KEL: variants seen among roughly 807,000 people sequenced by gnomAD.
KEL encodes Kell metallo-endopeptidase (Kell blood group).
Under a neutral mutation model 99.5 loss-of-function variants are expected in KEL, and 96 were observed. The ratio of observed to expected loss-of-function variants is 0.97; its 90% CI spans 0.82 to 1.14. The LOEUF (loss-of-function observed/expected upper bound fraction) is 1.14, where lower values mean the gene tolerates loss of function less well. Among genes scored for constraint, KEL ranks in the 50% most tolerant of loss-of-function variants. The probability of loss-of-function intolerance (pLI) is 0.00; values close to 1 mark genes in which losing one functional copy is unlikely to be tolerated. For missense variants in KEL, 926 were observed against 924.2 expected (o/e 1.00, Z -0.03); for synonymous variants, 355 against 354.8 (o/e 1.00, Z -0.01).
In KEL at chr7:142,943,153, C is replaced by T. The variant is rs916471611; in HGVS notation, c.1772-109G>A. On this transcript the variant is annotated intron_variant, in intron 16 of 18. Transcript: ENST00000355265. ...ACTGAATCAGCTCCCAGGAGCATGG[C>T]AAAGTTCCCAGGACTGCCCCACCTC... 26 of 1,553,366 alleles carry T rather than the reference C, an allele frequency of 1.7e-5. No homozygotes were observed. In the Admixed American group the frequency reaches 4.5e-4, roughly 27 times the overall value.
rs369569464 is a variant in KEL at position 142,961,359 on chromosome 7, C to T, written c.223+1G>A. ...GTTAGGGGGTCTGGGATCTTGCTTA[C>T]GAGGGCCACAGTTCTGGAAGTTGTA... On this transcript the variant is annotated splice_donor_variant, in intron 3 of 18. Transcript: ENST00000355265. LOFTEE classifies it high-confidence loss of function. 222 of 1,612,980 alleles carry T rather than the reference C, an allele frequency of 1.4e-4. No homozygotes were observed. The highest frequency in any genetic ancestry group is 1.8e-4 in the Non-Finnish European group (209 of 1,180,038).
Position 142,941,310 on chromosome 7 carries a change from T to C in KEL, c.2141A>G (p.Tyr714Cys). ...GAGAGCACCACGTGCACAGCGGAAA[T>C]ACCTGGCAAAGGCTGGGGTGCTGCT... The part of the protein sequence containing the change: ...PLSSTPAFAR[Y>C]FRCARGALLN... Residue 714 changes from tyrosine (Y) to cysteine (C), a missense_variant, in exon 19 of 19, where the codon TAT (tyrosine) becomes TGT (cysteine). By Grantham distance (194) the Tyr-to-Cys change is radical (BLOSUM62 -2). Coordinates refer to ENST00000355265, the MANE Select transcript of KEL (RefSeq NM_000420.3). 1 of 1,613,994 alleles carries C rather than the reference T, an allele frequency of 6.2e-7. No homozygotes were observed. Among genetic ancestry groups the C allele is most frequent in the Non-Finnish European group, 8.5e-7 (1 of 1,180,008 alleles).
chr7:142,944,028 T>A, intron 13 of KEL, 145 bp from the exon 14 acceptor site: 1 of 738,608 alleles, frequency 1.4e-6, no homozygotes, highest in Non-Finnish European at 2.4e-6. Flanking sequence ...CCCAATGGCA[T>A]CACTACACAG....
rs549232567 is a variant in KEL, at chr7:142,943,203, C to T, written c.1771+73G>A. 17 of 1,575,674 alleles carry T rather than the reference C, an allele frequency of 1.1e-5. No homozygotes were observed. The Admixed American group carries it at 2.3e-4, about 21-fold the overall frequency. On this transcript the variant is annotated intron_variant, in intron 16 of 18. Coordinates refer to ENST00000355265, the MANE Select transcript of KEL (RefSeq NM_000420.3). ...CAAACCCTCAAATAACCTCCCTTTC[C>T]CCTCCAGGCCTCCCTTGTGGTCTTC...
chr7:142,961,674 G>A (rs1796963209), intron 2 of KEL, 121 bp downstream of exon 2: 3 of 1,278,332 alleles, frequency 2.3e-6, no homozygotes, highest in Non-Finnish European at 2.3e-6. Context: ...GAGAAAACAA[G>A]GAATGTCAAC....
intron 18 of KEL, chr7:142,942,150 A>AG: frequency 1.9e-6 from 1 of 516,210 alleles, no homozygotes; most frequent in South Asian, 2.4e-5. Context: ...GGGGTATGAG[A>AG]GGAAAAAAAA....
chr7:142,954,262 C>G lies in KEL; in HGVS notation c.846G>C (p.Leu282=), dbSNP rs8175993. ...SSLSISITSR[L]FQFLRPLEQR... The stretch of plus-strand genomic sequence containing the variant: ...GCTCCAGGGGCCTCAGAAACTGGAA[C>G]AGCCGTGAAGTGATGGAGATTGACA... The change falls in exon 8 of 19, where the codon CTG becomes CTC. Residue 282 remains leucine, a synonymous_variant. Coordinates refer to ENST00000355265, the MANE Select transcript of KEL (RefSeq NM_000420.3). 3.5e-3 allele frequency: 5,700 copies of G among 1,614,120 alleles called. 47 individuals carry two copies. The highest frequency in any genetic ancestry group is 0.029 in the African/African-American group (2,174 of 75,032).
In KEL at chr7:142,943,782, C is replaced by T; in HGVS notation, c.1592+1G>A. The T allele has an allele frequency of 1.2e-6, 2 of 1,613,438 alleles. No individual in the cohort carries two copies. The highest frequency in any genetic ancestry group is 1.7e-5 in the Admixed American group (1 of 60,016). ...TGCCTGTGTCTCCCCTGCTGTCATACCTGTGTTGGGGGTGAGGCTGCAAGA... is the reference window on the plus strand; with the variant it reads ...TGCCTGTGTCTCCCCTGCTGTCATATCTGTGTTGGGGGTGAGGCTGCAAGA... On this transcript the variant is annotated splice_donor_variant, in intron 14 of 18. Coordinates refer to ENST00000355265, the MANE Select transcript of KEL (RefSeq NM_000420.3). LOFTEE classifies it high-confidence loss of function.
rs761211598 is a variant in KEL, at chr7:142,960,975, A to G, written c.353T>C (p.Phe118Ser). The G allele has an allele frequency of 2.5e-6, 4 of 1,614,196 alleles. No homozygotes were observed. The Admixed American group carries it at 6.7e-5, about 27-fold the overall frequency. The change falls in exon 4 of 19, where the codon TTT becomes TCT. Residue 118 changes from phenylalanine to serine, a missense_variant. By Grantham distance (155) the Phe-to-Ser change is radical (BLOSUM62 -2). Transcript: ENST00000355265. ...TTTGTTCTTTGTGGCAAGCTCCTGA[A>G]AAGAATTATTGGTCTCTTTGGCCCT... Reference protein sequence around the residue: ...CGRAKETNNSFQELATKNKNR... With the variant: ...CGRAKETNNSSQELATKNKNR...
chr7:142,958,514 T>C, intron 4 of KEL, 86 bp from the exon 5 acceptor site: 1 of 1,275,442 alleles, frequency 7.8e-7, no homozygotes, highest in Non-Finnish European at 1.1e-6. Flanking sequence ...TGGGGAGTCA[T>C]GCCCTATATC....
chr7:142,953,235 T>A (rs893005447), intron 9 of KEL: 1 of 491,164 alleles, frequency 2.0e-6, no homozygotes, highest in Non-Finnish European at 2.6e-6. Context: ...CACTCTTTCA[T>A]GTCCCCAACC....
intron 11 of KEL, among the ~76,000 whole-genome samples, chr7:142,945,546 A>G (rs149168820): frequency 2.5e-3 from 387 of 152,154 alleles, no homozygotes; most frequent in African/African-American, 8.7e-3. Context: ...AGATTATGTC[A>G]TCTGTTCTGA....
At chr7:142,944,546 G>T (rs915386859) in intron 12 of KEL, 97 bp downstream of exon 12, 7 of 1,212,670 alleles carry the variant, frequency 5.8e-6, no homozygotes, top group African/African-American at 1.5e-5. Flanking sequence ...ATGTGCCTGG[G>T]GGGGCCTTTG....
rs775099304 is a variant in KEL, at chr7:142,943,307, G to T, written c.1740C>A (p.Ala580=). 3.0e-5 allele frequency: 49 copies of T among 1,613,938 alleles called. 1 individual carries two copies. In the Admixed American group the frequency reaches 5.8e-4, roughly 19 times the overall value. ...GGTAGAAGATGTGCAACAGCTCGTG[G>T]GCCATGATGCTGCCAGCAGCGCCAA... ...VNFGAAGSIM[A]HELLHIFYQL... is the part of the protein sequence containing the mutation. The change falls in exon 16 of 19, where the codon GCC becomes GCA. Residue 580 remains alanine, a synonymous_variant. Coordinates refer to ENST00000355265, the MANE Select transcript of KEL (RefSeq NM_000420.3).
intron 6 of KEL, among the ~76,000 whole-genome samples, chr7:142,957,361 G>C (rs1796851219): frequency 6.6e-6 from 1 of 152,134 alleles, no homozygotes; most frequent in Non-Finnish European, 1.5e-5. Flanking sequence ...GAAGTGTGTA[G>C]GGGTCAGATC....
At chr7:142,947,162 G>A (rs879265308) in intron 10 of KEL, among the ~76,000 whole-genome samples, 1 of 152,222 alleles carries the variant, frequency 6.6e-6, no homozygotes, top group Admixed American at 6.5e-5. Flanking sequence ...CACACTCAAG[G>A]AACCCAGGGA....
intron 4 of KEL, 45 bp from the exon 5 acceptor site, chr7:142,958,473 T>A: frequency 1.9e-6 from 3 of 1,599,158 alleles, no homozygotes; most frequent in Non-Finnish European, 2.6e-6. Flanking sequence ...TGATTTTTTT[T>A]ATCTTGCCCC....
intron 18 of KEL, among the ~76,000 whole-genome samples, chr7:142,941,862 G>C (rs1796368549): frequency 6.6e-6 from 1 of 151,032 alleles, no homozygotes; most frequent in Non-Finnish European, 1.5e-5. Context: ...AGCCTGGAGT[G>C]CAGTGGCATG....
rs1327421450 is a variant in KEL at position 142,958,409 on chromosome 7, G to T, written c.420C>A (p.His140Gln). The change falls in exon 5 of 19, where the codon CAC becomes CAA. Residue 140 changes from histidine (H) to glutamine (Q), a missense_variant. Physicochemically the swap from His to Gln is conservative, Grantham distance 24. Transcript: ENST00000355265. ...RRILEVQNSW[H>Q]PGSGEEKAFQ... is the part of the protein sequence containing the mutation. Reference sequence around the variant, plus strand: ...AGGCTTTCTCCTCCCCAGAGCCTGGGTGCCAGGAATTCTGGACCTCTAGAA... The same window carrying T: ...AGGCTTTCTCCTCCCCAGAGCCTGGTTGCCAGGAATTCTGGACCTCTAGAA... 13 of 1,613,970 alleles carry T rather than the reference G, an allele frequency of 8.1e-6. No homozygotes were observed. The highest frequency in any genetic ancestry group is 1.0e-5 in the Non-Finnish European group (12 of 1,180,048).
Sources: allele counts gnomAD v4.1 joint callset (sites outside exome capture counted in the v4.1 genomes callset), GRCh38; gene constraint gnomAD v4.1.1; transcripts MANE v1.5; gene names NCBI Gene and HGNC (gene_info 2026-07-23, HGNC 2026-07-21).